The following KCND2 variants were observed in gnomAD, a reference collection of about 807,000 sequenced individuals.
KCND2 encodes A-type voltage-gated potassium channel KCND2.
Under a neutral mutation model 54.4 loss-of-function variants are expected in KCND2, and 16 were observed. That is an observed-to-expected ratio of 0.29 (90% CI 0.20 to 0.45). The LOEUF (loss-of-function observed/expected upper bound fraction) is 0.45, where lower values mean the gene tolerates loss of function less well. Ranked by LOEUF, KCND2 falls within the 20% of genes least tolerant of loss-of-function variation. The pLI is 1.00. For synonymous variants in KCND2, 317 were observed against 310.7 expected (o/e 1.02, Z -0.21); for missense variants, 486 against 824.2 (o/e 0.59, Z 5.02).
chr7:120,736,817 A>T (rs1031075201), intron 2 of KCND2, among the ~76,000 whole-genome samples: 4 of 151,872 alleles, frequency 2.6e-5, no homozygotes, highest in African/African-American at 9.7e-5. Context: ...CAAGGCAAAA[A>T]AATTCTAGTA....
chr7:120,464,013 TTTTG>T, intron 1 of KCND2: 1 of 971,682 alleles, frequency 1.0e-6, no homozygotes. Flanking sequence ...TGTTTCTTAG[TTTTG>T]TTTTTTTTTT....
intron 1 of KCND2, among the ~76,000 whole-genome samples, chr7:120,589,336 A>C (rs1300694068): frequency 6.6e-6 from 1 of 152,230 alleles, no homozygotes; most frequent in East Asian, 1.9e-4. Flanking sequence ...TTAGGCCTAA[A>C]ATTTAATTTT....
At chr7:120,746,734 G>C (rs769729311) in intron 5 of KCND2, 3 of 152,110 alleles carry the variant, frequency 2.0e-5, no homozygotes, top group Non-Finnish European at 4.4e-5. Context: ...TTAAAAATCA[G>C]TTTCTGCCAA....
chr7:120,349,327 A>AACACACACACACACACACACAC (rs145626165), intron 1 of KCND2, among the ~76,000 whole-genome samples: 4 of 144,524 alleles, frequency 2.8e-5, no homozygotes, highest in South Asian at 2.2e-4. Context: ...CACACACACA[A>AACACACACACACACACACACAC]ACACACACAC....
At chr7:120,627,394 G>A (rs1290272590) in intron 1 of KCND2, among the ~76,000 whole-genome samples, 1 of 152,054 alleles carries the variant, frequency 6.6e-6, no homozygotes, top group Admixed American at 6.6e-5. Context: ...TTTATCAATA[G>A]CTATGTGATT....
chr7:120,670,825 A>T (rs561709667), intron 1 of KCND2, among the ~76,000 whole-genome samples: 13 of 151,666 alleles, frequency 8.6e-5, no homozygotes, highest in African/African-American at 3.1e-4. Flanking sequence ...CTGAGCCAGG[A>T]GAATGGCATG....
intron 1 of KCND2, among the ~76,000 whole-genome samples, chr7:120,492,955 T>C (rs948201135): frequency 1.3e-5 from 2 of 151,958 alleles, no homozygotes; most frequent in African/African-American, 4.8e-5. Flanking sequence ...ATATATTGCT[T>C]CCCACCATTG....
intron 1 of KCND2, among the ~76,000 whole-genome samples, chr7:120,385,896 A>G (rs1800980967): frequency 6.6e-6 from 1 of 152,068 alleles, no homozygotes; most frequent in Non-Finnish European, 1.5e-5. Flanking sequence ...ATTCCAGCCC[A>G]TAGTTATTTT....
At chr7:120,631,882 A>G (rs1793238238) in intron 1 of KCND2, among the ~76,000 whole-genome samples, 1 of 152,190 alleles carries the variant, frequency 6.6e-6, no homozygotes, top group Admixed American at 6.5e-5. Flanking sequence ...ATAACAGAGA[A>G]TGATTAAAAT....
At chr7:120,695,569 C>T (rs1290803530) in intron 1 of KCND2, among the ~76,000 whole-genome samples, 1 of 151,972 alleles carries the variant, frequency 6.6e-6, no homozygotes, top group Non-Finnish European at 1.5e-5. Flanking sequence ...TTTTAGTAAT[C>T]CTCAAATGTA....
At chr7:120,381,650 T>A (rs1455665566) in intron 1 of KCND2, among the ~76,000 whole-genome samples, 2 of 152,036 alleles carry the variant, frequency 1.3e-5, no homozygotes, top group Non-Finnish European at 1.5e-5. Context: ...TGGGGAAGAT[T>A]CGATTATCCT....
rs566519577 is a variant in KCND2, at chr7:120,383,522, A to T, written c.1115+107775A>T. ...CTCACTATATGGAATTTTAATACTA[A>T]TATGTTCTAAAGTTTAGTCAAAAGT... On this transcript the variant is annotated intron_variant, in intron 1 of 5. Transcript: ENST00000331113. 5.3e-5 allele frequency among the ~76,000 whole-genome samples: 8 copies of T among 150,914 alleles called. No individual in the cohort carries two copies. The South Asian group carries it at 1.7e-3, about 31-fold the overall frequency.
chr7:120,540,936 T>G (rs1791972287), intron 1 of KCND2, among the ~76,000 whole-genome samples: 1 of 152,224 alleles, frequency 6.6e-6, no homozygotes, highest in Non-Finnish European at 1.5e-5. Context: ...TCAGATTGAC[T>G]AGGCTATTCA....
chr7:120,414,159 G>GTA (rs1801492679), intron 1 of KCND2, among the ~76,000 whole-genome samples: 1 of 151,946 alleles, frequency 6.6e-6, no homozygotes, highest in Non-Finnish European at 1.5e-5. Flanking sequence ...TGGTATAAGT[G>GTA]TGCCATGCTT....
chr7:120,604,240 G>A (rs529670584), intron 1 of KCND2, among the ~76,000 whole-genome samples: 2 of 151,400 alleles, frequency 1.3e-5, no homozygotes, highest in Admixed American at 6.6e-5. Context: ...GGTGGCTCAC[G>A]CCTGTAATCC....
At chr7:120,385,864 C>T (rs776147250) in intron 1 of KCND2, among the ~76,000 whole-genome samples, 1 of 152,082 alleles carries the variant, frequency 6.6e-6, no homozygotes, top group Admixed American at 6.6e-5. Flanking sequence ...GGTTTCCAGC[C>T]GTTCTTCATT....
chr7:120,437,130 C>T (rs922250356), intron 1 of KCND2, among the ~76,000 whole-genome samples: 2 of 151,324 alleles, frequency 1.3e-5, no homozygotes, highest in Non-Finnish European at 2.9e-5. Context: ...TTTTTGAACT[C>T]AAAATCTAAT....
At chr7:120,419,998 A>AC (rs1423456565) in intron 1 of KCND2, among the ~76,000 whole-genome samples, 1 of 146,040 alleles carries the variant, frequency 6.8e-6, no homozygotes, top group Non-Finnish European at 1.5e-5. Context: ...GGTTTATTCT[A>AC]CAAAAAAAAA....
At chr7:120,409,153 A>C (rs752516687) in intron 1 of KCND2, among the ~76,000 whole-genome samples, 8 of 151,996 alleles carry the variant, frequency 5.3e-5, no homozygotes, top group Non-Finnish European at 1.0e-4. Flanking sequence ...GATGTGGCAT[A>C]GTGGAACAAG....
Sources: gnomAD v4.1 joint callset for allele counts (sites outside exome capture counted in the v4.1 genomes callset) on GRCh38, gnomAD v4.1.1 for gene constraint, MANE v1.5 for transcripts, NCBI Gene and HGNC (gene_info 2026-07-23, HGNC 2026-07-21) for gene names.